The following MALRD1 variants were observed in gnomAD, a reference collection of about 807,000 sequenced individuals.
The protein encoded by MALRD1 is MAM and LDL-receptor class A domain-containing protein 1.
In MALRD1, 247 loss-of-function variants were observed where a neutral mutation model predicts 242.1. The observed-to-expected ratio is 1.02, with a 90% CI of 0.92 to 1.13. MALRD1 has a LOEUF of 1.13. Ranked by LOEUF, MALRD1 falls within the 50% of genes most tolerant of loss-of-function variation. MALRD1 has a pLI of 0.00. For missense variants in MALRD1, 2,989 were observed against 2,533.1 expected (o/e 1.18, Z -3.86); for synonymous variants, 995 against 866.6 (o/e 1.15, Z -2.60).
chr10:19,329,135 TAAAAG>T (rs1843256268), intron 23 of MALRD1, among the ~76,000 whole-genome samples: 1 of 152,224 alleles, frequency 6.6e-6, no homozygotes, highest in African/African-American at 2.4e-5. Context: ...TTTTGACTCT[TAAAAG>T]TAAATATTAA....
chr10:19,318,806 G>C (rs1842807243), intron 21 of MALRD1, among the ~76,000 whole-genome samples: 1 of 151,728 alleles, frequency 6.6e-6, no homozygotes, highest in African/African-American at 2.4e-5. Context: ...AAATTCACTT[G>C]GTTATTTTGC....
At chr10:19,507,779 A>C (rs1335846584) in intron 31 of MALRD1, among the ~76,000 whole-genome samples, 1 of 152,226 alleles carries the variant, frequency 6.6e-6, no homozygotes, top group Non-Finnish European at 1.5e-5. Context: ...GTGATGCTTC[A>C]ATCACCACAT....
At chr10:19,599,589 T>C (rs543701882) in intron 34 of MALRD1, among the ~76,000 whole-genome samples, 7 of 152,318 alleles carry the variant, frequency 4.6e-5, no homozygotes, top group African/African-American at 1.7e-4. Context: ...CATCAGCTGT[T>C]GTGTCAGTCA....
At chr10:19,401,320 T>G (rs936932655) in intron 28 of MALRD1, among the ~76,000 whole-genome samples, 1 of 152,174 alleles carries the variant, frequency 6.6e-6, no homozygotes, top group Non-Finnish European at 1.5e-5. Context: ...ATATTTAGCT[T>G]TAATTTAACT....
intron 28 of MALRD1, among the ~76,000 whole-genome samples, chr10:19,422,573 A>G (rs1833754802): frequency 6.6e-6 from 1 of 152,204 alleles, no homozygotes; most frequent in African/African-American, 2.4e-5. Flanking sequence ...ACAGATTTAG[A>G]GTGAAATTGA....
chr10:19,345,483 C>G (rs1844075543), intron 24 of MALRD1, among the ~76,000 whole-genome samples: 1 of 151,986 alleles, frequency 6.6e-6, no homozygotes, highest in African/African-American at 2.4e-5. Flanking sequence ...CATCTACTCC[C>G]CAGTCCTTTG....
intron 36 of MALRD1, among the ~76,000 whole-genome samples, chr10:19,628,034 A>G (rs1839745037): frequency 6.6e-6 from 1 of 152,040 alleles, no homozygotes; most frequent in African/African-American, 2.4e-5. Flanking sequence ...GTCAACACAC[A>G]TTGCACTAAT....
At chr10:19,613,018 C>G (rs936888584) in intron 35 of MALRD1, among the ~76,000 whole-genome samples, 13 of 151,854 alleles carry the variant, frequency 8.6e-5, no homozygotes, top group Admixed American at 3.3e-4. Context: ...ATACGTATTG[C>G]TTACATAAAA....
chr10:19,067,652 C>T (rs1835021499), intron 2 of MALRD1, among the ~76,000 whole-genome samples: 1 of 152,034 alleles, frequency 6.6e-6, no homozygotes, highest in East Asian at 1.9e-4. Context: ...AGATTAGACT[C>T]CCTGGTCTGT....
At chr10:19,186,158 G>T (rs1205631587) in intron 14 of MALRD1, among the ~76,000 whole-genome samples, 2 of 152,056 alleles carry the variant, frequency 1.3e-5, no homozygotes, top group Non-Finnish European at 2.9e-5. Flanking sequence ...ATAAGTCTCT[G>T]TAGGGAAAAA....
At chr10:19,242,182 C>G (rs1437396545) in intron 18 of MALRD1, among the ~76,000 whole-genome samples, 1 of 152,150 alleles carries the variant, frequency 6.6e-6, no homozygotes, top group African/African-American at 2.4e-5. Flanking sequence ...AAAGGCACAT[C>G]TTACATGGTA....
intron 4 of MALRD1, 29 bp from the exon 5 acceptor site, chr10:19,103,950 T>G: frequency 1.7e-6 from 2 of 1,196,846 alleles, no homozygotes; most frequent in Non-Finnish European, 2.1e-6. Context: ...TATGTTTTTG[T>G]TTTGTTTTGT....
chr10:19,207,013 G>A (rs1836815493), intron 17 of MALRD1, among the ~76,000 whole-genome samples: 2 of 152,208 alleles, frequency 1.3e-5, no homozygotes, highest in South Asian at 4.2e-4. Flanking sequence ...TACTCACTTG[G>A]TTCCCTTCAT....
intron 26 of MALRD1, among the ~76,000 whole-genome samples, chr10:19,384,610 T>G (rs1274008652): frequency 1.5e-5 from 2 of 129,828 alleles, no homozygotes; most frequent in African/African-American, 5.8e-5. Context: ...ATATAGTATA[T>G]ATAATATAAT....
chr10:19,065,060 G>C (rs1052806591), intron 1 of MALRD1, among the ~76,000 whole-genome samples: 1 of 151,998 alleles, frequency 6.6e-6, no homozygotes, highest in Non-Finnish European at 1.5e-5. Context: ...GGCCGAGGCA[G>C]GTGGATCACC....
At chr10:19,059,999 G>A (rs1387359469) in intron 1 of MALRD1, among the ~76,000 whole-genome samples, 2 of 152,150 alleles carry the variant, frequency 1.3e-5, no homozygotes, top group African/African-American at 4.8e-5. Flanking sequence ...GTCAATATCG[G>A]CAAGAAAAGT....
chr10:19,353,285 G>C (rs776842773), intron 26 of MALRD1, among the ~76,000 whole-genome samples: 10 of 152,226 alleles, frequency 6.6e-5, no homozygotes, highest in Non-Finnish European at 1.0e-4. Flanking sequence ...GGGATTATAG[G>C]CATGAACCAC....
Position 19,237,326 on chromosome 10 carries a change from C to T in MALRD1, c.2992-20358C>T, listed in dbSNP as rs1053430746. On this transcript the variant is annotated intron_variant, in intron 18 of 39. Transcript: ENST00000454679. Reference sequence around the variant, plus strand: ...TCCTCACTGTTTGGTAACCACTATTCTACTCTACTTCTCTATTAACATTTT... The same window carrying T: ...TCCTCACTGTTTGGTAACCACTATTTTACTCTACTTCTCTATTAACATTTT... 6.0e-5 allele frequency among the ~76,000 whole-genome samples: 9 copies of T among 150,166 alleles called. No homozygotes were observed. In the East Asian group the frequency reaches 1.2e-3, roughly 20 times the overall value.
intron 28 of MALRD1, among the ~76,000 whole-genome samples, chr10:19,432,899 T>G (rs1482941137): frequency 6.6e-6 from 1 of 152,238 alleles, no homozygotes; most frequent in Non-Finnish European, 1.5e-5. Flanking sequence ...TGAATAACTT[T>G]GGATGCTTTA....
Sources: gnomAD v4.1 joint callset for allele counts (sites outside exome capture counted in the v4.1 genomes callset) on GRCh38, gnomAD v4.1.1 for gene constraint, MANE v1.5 for transcripts, NCBI Gene and HGNC (gene_info 2026-07-23, HGNC 2026-07-21) for gene names.